Variants in POLD3 observed in about 807,000 individuals in gnomAD.
POLD3 encodes DNA polymerase delta 3, accessory subunit.
A neutral mutation model predicts 58.2 loss-of-function variants in POLD3; 19 were observed. The observed-to-expected ratio is 0.33, with a 90% CI of 0.23 to 0.48. The LOEUF is 0.48. Among genes scored for constraint, POLD3 ranks in the 20% least tolerant of loss-of-function variants. POLD3 has a pLI of 0.99. For missense variants in POLD3, 504 were observed against 545.5 expected (o/e 0.92, Z 0.76); for synonymous variants, 172 against 193.5 (o/e 0.89, Z 0.92).
In POLD3 at chr11:74,625,504, C is replaced by A. The variant is rs1208097780; in HGVS notation, c.830C>A (p.Thr277Asn). Reference sequence around the variant, plus strand: ...TCTGTCACGGAACCAAAGCTGGCAACTCCTGCAGGCCTGAAAAAATCCAGC... The same window carrying A: ...TCTGTCACGGAACCAAAGCTGGCAAATCCTGCAGGCCTGAAAAAATCCAGC... ...TVSVTEPKLA[T>N]PAGLKKSSKK... The change falls in exon 8 of 12, where the codon ACT becomes AAT. Residue 277 changes from threonine to asparagine, a missense_variant. Thr to Asn is a moderately conservative substitution (Grantham distance 65, BLOSUM62 0). Transcript: ENST00000263681. The A allele has an allele frequency of 3.1e-6, 5 of 1,613,788 alleles. No individual in the cohort carries two copies. In the Admixed American group the frequency reaches 8.3e-5, roughly 27 times the overall value.
rs2032893178 is a variant in POLD3, at chr11:74,640,819, G to C, written c.*53G>C. The stretch of plus-strand genomic sequence containing the variant: ...TGGAGTGGTCAAGGGAGAAGACCAA[G>C]AAATGTACTCCTCACTTACTATGTA... On this transcript the variant is annotated 3_prime_UTR_variant, in exon 12 of 12. Coordinates refer to ENST00000263681, the MANE Select transcript of POLD3 (RefSeq NM_006591.3). The C allele has an allele frequency of 1.4e-6, 2 of 1,455,166 alleles. No homozygotes were observed. Among genetic ancestry groups the C allele is most frequent in the Non-Finnish European group, 1.8e-6 (2 of 1,103,054 alleles). The allele number at this position is 1,455,166 out of a possible 1,614,324, so 90.1% of individuals were successfully genotyped here.
At chr11:74,666,370 C>T (rs940890149) in intron 4 of POLD3, among the ~76,000 whole-genome samples, 1 of 152,162 alleles carries the variant, frequency 6.6e-6, no homozygotes, top group Non-Finnish European at 1.5e-5. Flanking sequence ...CCTGTAATCC[C>T]AGCACTTTGG....
chr11:74,640,953 G>A lies in POLD3; in HGVS notation c.*187G>A. 1 of 1,263,992 alleles carries A rather than the reference G, an allele frequency of 7.9e-7. No homozygotes were observed. Among genetic ancestry groups the A allele is most frequent in the Non-Finnish European group, 9.9e-7 (1 of 1,006,550 alleles). The allele number at this position is 1,263,992 out of a possible 1,614,324, so 78.3% of individuals were successfully genotyped here. On this transcript the variant is annotated 3_prime_UTR_variant, in exon 12 of 12. Transcript: ENST00000263681. ...AAAAGGAAATCATCTGGAAGCAGGA[G>A]GCAAAAAGCTGTTACCTTCTAATGA...
chr11:74,645,696 C>A (rs1359724265), downstream of POLD3, among the ~76,000 whole-genome samples: 1 of 152,214 alleles, frequency 6.6e-6, no homozygotes, highest in African/African-American at 2.4e-5. Flanking sequence ...TAAACTAATA[C>A]AAAGCAGAGT....
chr11:74,612,824 C>G (rs1402172115), intron 4 of POLD3, 54 bp from the exon 5 acceptor site: 1 of 1,526,368 alleles, frequency 6.6e-7, no homozygotes, highest in African/African-American at 1.4e-5. Flanking sequence ...GTTAAAGTCC[C>G]CACATGCTAT....
At chr11:74,655,514 A>T (rs2033122767) in intron 4 of POLD3, among the ~76,000 whole-genome samples, 1 of 152,240 alleles carries the variant, frequency 6.6e-6, no homozygotes, top group Non-Finnish European at 1.5e-5. Context: ...GATATGCAAG[A>T]CTTGAAAAAC....
At chr11:74,664,079 C>T (rs948620407) in intron 4 of POLD3, among the ~76,000 whole-genome samples, 4 of 152,108 alleles carry the variant, frequency 2.6e-5, no homozygotes, top group Non-Finnish European at 5.9e-5. Flanking sequence ...ATGAAAATGA[C>T]ATTGAGATAT....
intron 4 of POLD3, among the ~76,000 whole-genome samples, chr11:74,650,654 T>TAA (rs2033057477): frequency 6.6e-6 from 1 of 152,220 alleles, no homozygotes; most frequent in Non-Finnish European, 1.5e-5. Context: ...CTGAGCACTG[T>TAA]CCCCTTGTGG....
chr11:74,629,408 C>T (rs1689263895), intron 9 of POLD3, 85 bp downstream of exon 9: 1 of 711,810 alleles, frequency 1.4e-6, no homozygotes, highest in Non-Finnish European at 2.4e-6. Context: ...GATTAAGGAT[C>T]ACAATGAGAG....
At chr11:74,628,548 G>A (rs75834582) in intron 8 of POLD3, among the ~76,000 whole-genome samples, 1 of 152,086 alleles carries the variant, frequency 6.6e-6, no homozygotes, top group Non-Finnish European at 1.5e-5. Flanking sequence ...GGAGTGTGAT[G>A]GAGTATCCAT....
intron 4 of POLD3, among the ~76,000 whole-genome samples, chr11:74,660,759 G>A (rs11523523): frequency 5.9e-5 from 9 of 152,118 alleles, no homozygotes; most frequent in South Asian, 4.2e-4. Context: ...TTCACCTTCC[G>A]CCATGATTGT....
intron 4 of POLD3, among the ~76,000 whole-genome samples, chr11:74,650,766 G>A (rs1475856571): frequency 6.6e-6 from 1 of 152,200 alleles, no homozygotes; most frequent in African/African-American, 2.4e-5. Context: ...TTGGGTGCCA[G>A]ATGTGAAGTT....
chr11:74,643,141 G>A (rs2032957000), downstream of POLD3: 1 of 155,896 alleles, frequency 6.4e-6, no homozygotes, highest in African/African-American at 2.4e-5. Context: ...ACAAAATGGT[G>A]GCTTTCTTTC....
chr11:74,600,710 CTTTTTTTTTTTT>C (rs57206403), intron 2 of POLD3, among the ~76,000 whole-genome samples: 1 of 63,008 alleles, frequency 1.6e-5, no homozygotes, highest in Non-Finnish European at 2.8e-5. Context: ...GAATTCTTTC[CTTTTTTTTTTTT>C]TTTTTTTTTT....
chr11:74,653,411 A>G (rs1302509284), intron 4 of POLD3, among the ~76,000 whole-genome samples: 1 of 151,698 alleles, frequency 6.6e-6, no homozygotes, highest in Non-Finnish European at 1.5e-5. Context: ...GTATGGAAGT[A>G]TAGTATACTC....
chr11:74,626,452 G>T (rs1244423207), intron 8 of POLD3, among the ~76,000 whole-genome samples: 1 of 152,058 alleles, frequency 6.6e-6, no homozygotes, highest in Non-Finnish European at 1.5e-5. Flanking sequence ...ATCATGAGTG[G>T]GTATTGATTT....
Position 74,625,447 on chromosome 11 carries a change from A to C in POLD3, c.773A>C (p.Lys258Thr). ...AATTTGGACTCAGAACAAGCAGTGA[A>C]AGAAGAAAAAATAGTGGAGCAGCCT... ...KVNLDSEQAVKEEKIVEQPTV... is the reference protein window; with the variant it reads ...KVNLDSEQAVTEEKIVEQPTV... Residue 258 changes from lysine to threonine, a missense_variant, in exon 8 of 12, where the codon AAA becomes ACA. Transcript: ENST00000263681. 1 of 1,613,512 alleles carries C rather than the reference A, an allele frequency of 6.2e-7. No homozygotes were observed. The highest frequency in any genetic ancestry group is 8.5e-7 in the Non-Finnish European group (1 of 1,179,698).
chr11:74,604,817 T>C, intron 3 of POLD3, 23 bp downstream of exon 3: 2 of 1,181,302 alleles, frequency 1.7e-6, no homozygotes, highest in South Asian at 1.2e-5. Context: ...AGCCTTGTAA[T>C]GAGCTTAAAT....
intron 5 of POLD3, among the ~76,000 whole-genome samples, chr11:74,614,464 A>G (rs1443271219): frequency 6.6e-6 from 1 of 152,212 alleles, no homozygotes. Flanking sequence ...TAATCCCAGC[A>G]CTTTGGGAGG....
Sources: gnomAD v4.1 joint callset for allele counts (sites outside exome capture counted in the v4.1 genomes callset) on GRCh38, gnomAD v4.1.1 for gene constraint, MANE v1.5 for transcripts, NCBI Gene and HGNC (gene_info 2026-07-23, HGNC 2026-07-21) for gene names.